The following ZNF536 variants were observed in gnomAD, a reference collection of about 807,000 sequenced individuals.
ZNF536 encodes zinc finger protein 536.
Under a neutral mutation model 84.5 loss-of-function variants are expected in ZNF536, and 13 were observed. That is an observed-to-expected ratio of 0.15 (90% CI 0.10 to 0.24). ZNF536 has a LOEUF of 0.24. ZNF536 is among the 10% of genes least tolerant of loss of function. The probability of loss-of-function intolerance (pLI) is 1.00; values close to 1 mark genes in which losing one functional copy is unlikely to be tolerated. For synonymous variants in ZNF536, 811 were observed against 742.5 expected, an observed-to-expected ratio of 1.09 and a Z score of -1.50; for missense variants, 1,536 against 1,747.5, an observed-to-expected ratio of 0.88 and a Z score of 2.16.
At chr19:30,246,397 G>T (rs2024277765) in intron 1 of ZNF536, among the ~76,000 whole-genome samples, 1 of 152,196 alleles carries the variant, frequency 6.6e-6, no homozygotes, top group Non-Finnish European at 1.5e-5. Context: ...CTGTCTCATA[G>T]AATCCTTCTG....
intron 2 of ZNF536, among the ~76,000 whole-genome samples, chr19:30,488,830 A>T (rs766047782): frequency 6.6e-6 from 1 of 152,208 alleles, no homozygotes; most frequent in Non-Finnish European, 1.5e-5. Flanking sequence ...TTTTAGCAAG[A>T]TGTCTGCTTT....
intron 2 of ZNF536, among the ~76,000 whole-genome samples, chr19:30,312,762 G>A (rs1399176130): frequency 6.6e-6 from 1 of 152,190 alleles, no homozygotes; most frequent in East Asian, 1.9e-4. Flanking sequence ...AATAGGGTAT[G>A]GTCTTCGGAC....
chr19:30,334,500 G>A (rs1294474793), intron 2 of ZNF536, among the ~76,000 whole-genome samples: 7 of 152,274 alleles, frequency 4.6e-5, no homozygotes, highest in South Asian at 4.2e-4. Context: ...GTATTAGGAC[G>A]TCTGGTTAAG....
intron 1 of ZNF536, among the ~76,000 whole-genome samples, chr19:30,684,985 A>G (rs1489439524): frequency 6.6e-6 from 1 of 152,226 alleles, no homozygotes. Flanking sequence ...TGTCTCAATT[A>G]CAGCTACTCA....
intron 2 of ZNF536, among the ~76,000 whole-genome samples, chr19:30,469,162 C>G (rs2053532911): frequency 6.6e-6 from 1 of 152,126 alleles, no homozygotes; most frequent in Non-Finnish European, 1.5e-5. Flanking sequence ...CGCCTGTAAT[C>G]CCAGCACTTT....
At chr19:30,464,644 C>CT (rs2053304291) in intron 2 of ZNF536, among the ~76,000 whole-genome samples, 1 of 151,798 alleles carries the variant, frequency 6.6e-6, no homozygotes, top group South Asian at 2.1e-4. Flanking sequence ...GTCAATGGTC[C>CT]TTTTTTGGTT....
intron 1 of ZNF536, among the ~76,000 whole-genome samples, chr19:30,235,110 A>G (rs996367395): frequency 2.6e-5 from 4 of 152,062 alleles, no homozygotes; most frequent in Non-Finnish European, 5.9e-5. Flanking sequence ...TTGGGTGGTG[A>G]CCCCATGCCA....
At chr19:30,387,889 A>G (rs1452490901) in intron 1 of ZNF536, among the ~76,000 whole-genome samples, 2 of 152,158 alleles carry the variant, frequency 1.3e-5, no homozygotes, top group Non-Finnish European at 2.9e-5. Context: ...CTCGAGACGC[A>G]GGTGTCCAGG....
intron 2 of ZNF536, among the ~76,000 whole-genome samples, chr19:30,286,829 G>A (rs944462219): frequency 2.0e-5 from 3 of 152,156 alleles, no homozygotes; most frequent in African/African-American, 7.2e-5. Context: ...TAAAAATATT[G>A]CCTGCAGTAT....
chr19:30,252,924 T>C (rs1361316503), intron 1 of ZNF536, among the ~76,000 whole-genome samples: 1 of 152,256 alleles, frequency 6.6e-6, no homozygotes, highest in Non-Finnish European at 1.5e-5. Context: ...AATTCCATTT[T>C]AACTCCATTT....
chr19:30,442,772 C>T (rs1031588044), intron 1 of ZNF536, among the ~76,000 whole-genome samples: 2 of 152,210 alleles, frequency 1.3e-5, no homozygotes, highest in African/African-American at 4.8e-5. Flanking sequence ...AAAGCCGCTA[C>T]TCGCAGTCTC....
At chr19:30,590,140 T>C (rs1021985102) in intron 1 of ZNF536, among the ~76,000 whole-genome samples, 2 of 152,188 alleles carry the variant, frequency 1.3e-5, no homozygotes, top group Non-Finnish European at 2.9e-5. Flanking sequence ...GTTGGCCATG[T>C]CAACCCATGG....
At chr19:30,505,578 A>G (rs1331668150) in intron 2 of ZNF536, among the ~76,000 whole-genome samples, 3 of 151,866 alleles carry the variant, frequency 2.0e-5, no homozygotes, top group African/African-American at 7.3e-5. Flanking sequence ...AACATTTGGA[A>G]ACAATTTAAA....
exon 2 of ZNF536, chr19:30,712,226 AG>A (rs2144804790): frequency 1.3e-5 from 2 of 152,294 alleles, no homozygotes; most frequent in East Asian, 3.9e-4. Flanking sequence ...GGAGATTTTG[AG>A]TGTCAATAAT....
intron 1 of ZNF536, among the ~76,000 whole-genome samples, chr19:30,643,462 T>C (rs2049339572): frequency 6.6e-6 from 1 of 152,238 alleles, no homozygotes; most frequent in Non-Finnish European, 1.5e-5. Flanking sequence ...TAAACTTTTA[T>C]ACCATTTATA....
At chr19:30,379,103 A>G (rs2048923425) in intron 1 of ZNF536, among the ~76,000 whole-genome samples, 1 of 152,204 alleles carries the variant, frequency 6.6e-6, no homozygotes, top group African/African-American at 2.4e-5. Context: ...TGTTTGAAAT[A>G]TGGAGGTGAT....
chr19:30,458,072 A>G (rs2052939781), intron 2 of ZNF536, among the ~76,000 whole-genome samples: 1 of 152,210 alleles, frequency 6.6e-6, no homozygotes, highest in South Asian at 2.1e-4. Flanking sequence ...AGCCAGAGAC[A>G]AACACATTTT....
intron 1 of ZNF536, among the ~76,000 whole-genome samples, chr19:30,674,125 A>G (rs1170234992): frequency 6.6e-6 from 1 of 152,246 alleles, no homozygotes; most frequent in Non-Finnish European, 1.5e-5. Flanking sequence ...ATTGTGTTTC[A>G]GAGCTGAGGC....
intron 1 of ZNF536, among the ~76,000 whole-genome samples, chr19:30,635,299 G>A (rs2049028102): frequency 6.6e-6 from 1 of 152,236 alleles, no homozygotes; most frequent in South Asian, 2.1e-4. Context: ...GTGGTGAACA[G>A]GTATCTGGAA....
Sources: allele counts gnomAD v4.1 joint callset (sites outside exome capture counted in the v4.1 genomes callset), GRCh38; gene constraint gnomAD v4.1.1; transcripts MANE v1.5; gene names NCBI Gene and HGNC (gene_info 2026-07-23, HGNC 2026-07-21).